Variants in L3MBTL4 observed in about 807,000 individuals in gnomAD.
L3MBTL4 encodes the protein L3MBTL histone methyl-lysine binding protein 4.
In L3MBTL4, 70 loss-of-function variants were observed where a neutral mutation model predicts 84.5. The ratio of observed to expected loss-of-function variants is 0.83; its 90% CI spans 0.68 to 1.01. The LOEUF is 1.01. Ranked by LOEUF, L3MBTL4 falls within the 50% of genes least tolerant of loss-of-function variation. The pLI is 0.00. For missense variants in L3MBTL4, 715 were observed against 754.8 expected, an observed-to-expected ratio of 0.95 and a Z score of 0.62; for synonymous variants, 274 against 259.8, an observed-to-expected ratio of 1.05 and a Z score of -0.52.
At chr18:6,191,894 G>A (rs1316650705) in intron 12 of L3MBTL4, among the ~76,000 whole-genome samples, 1 of 152,052 alleles carries the variant, frequency 6.6e-6, no homozygotes, top group East Asian at 1.9e-4. Context: ...GGAAGCAGAG[G>A]TGGGAAGATC....
intron 5 of L3MBTL4, among the ~76,000 whole-genome samples, chr18:6,249,876 G>A (rs1036395854): frequency 6.6e-6 from 1 of 152,132 alleles, no homozygotes; most frequent in East Asian, 1.9e-4. Context: ...AGATCGACTC[G>A]AGCCCAGAAG....
At chr18:6,129,818 G>C (rs529965340) in intron 14 of L3MBTL4, among the ~76,000 whole-genome samples, 25 of 152,258 alleles carry the variant, frequency 1.6e-4, no homozygotes, top group African/African-American at 6.0e-4. Context: ...TAACGGTAGA[G>C]TTTTGAAAAG....
chr18:6,271,848 G>A (rs544110515), intron 4 of L3MBTL4, among the ~76,000 whole-genome samples: 4 of 152,166 alleles, frequency 2.6e-5, no homozygotes, highest in African/African-American at 7.2e-5. Flanking sequence ...GGCTCTGCTC[G>A]CCCAAGTAAG....
intron 4 of L3MBTL4, among the ~76,000 whole-genome samples, chr18:6,279,426 A>G (rs1360172360): frequency 6.6e-6 from 1 of 152,128 alleles, no homozygotes; most frequent in East Asian, 1.9e-4. Flanking sequence ...ACAAGAAGAA[A>G]CTGCCAAACA....
intron 1 of L3MBTL4, among the ~76,000 whole-genome samples, chr18:6,370,998 G>A (rs1010576003): frequency 2.6e-5 from 4 of 152,162 alleles, no homozygotes; most frequent in East Asian, 3.9e-4. Flanking sequence ...TCGCGCCAAG[G>A]AGGGTTCTGT....
At chr18:6,191,222 G>A (rs568779218) in intron 12 of L3MBTL4, among the ~76,000 whole-genome samples, 5 of 152,224 alleles carry the variant, frequency 3.3e-5, no homozygotes, top group Non-Finnish European at 7.3e-5. Flanking sequence ...GAAGCTAGAA[G>A]AGCAGGTGGG....
chr18:6,157,039 A>C (rs1372155094), intron 13 of L3MBTL4, among the ~76,000 whole-genome samples: 1 of 152,218 alleles, frequency 6.6e-6, no homozygotes, highest in African/African-American at 2.4e-5. Flanking sequence ...TTTAAAACAG[A>C]CAATATCATT....
chr18:6,302,851 C>T (rs944838793), intron 3 of L3MBTL4, among the ~76,000 whole-genome samples: 1 of 151,990 alleles, frequency 6.6e-6, no homozygotes, highest in Non-Finnish European at 1.5e-5. Flanking sequence ...ATAAGCTGGA[C>T]GTGGTGGCAT....
At chr18:6,085,974 T>A (rs1262150066) in intron 15 of L3MBTL4, among the ~76,000 whole-genome samples, 4 of 152,194 alleles carry the variant, frequency 2.6e-5, no homozygotes, top group African/African-American at 4.8e-5. Context: ...AGGTGGACAT[T>A]TTCTTATATT....
chr18:6,146,188 C>G (rs929303765), intron 13 of L3MBTL4, among the ~76,000 whole-genome samples: 2 of 152,182 alleles, frequency 1.3e-5, no homozygotes, highest in Non-Finnish European at 2.9e-5. Flanking sequence ...GAGAGGGGAT[C>G]GGTGAGAACA....
intron 1 of L3MBTL4, among the ~76,000 whole-genome samples, chr18:6,331,225 G>T (rs1255332469): frequency 1.3e-5 from 2 of 152,182 alleles, no homozygotes; most frequent in East Asian, 3.8e-4. Context: ...CATCCAAAAG[G>T]TTGTCCTATC....
At chr18:6,062,160 C>A (rs1251523979) in intron 16 of L3MBTL4, among the ~76,000 whole-genome samples, 1 of 151,962 alleles carries the variant, frequency 6.6e-6, no homozygotes, top group East Asian at 1.9e-4. Flanking sequence ...TCTTGCAAGG[C>A]AGTTCTACTG....
rs569762760 is a variant in L3MBTL4, at chr18:5,967,163, C to A, written c.1614+2230G>T. On this transcript the variant is annotated intron_variant, in intron 17 of 18. Transcript: ENST00000317931. ...TGGGCTGTGCACACTTTCTGCCCTG[C>A]CTCTGCGGCCTTTCAAACCAGGCCC... 2.6e-5 allele frequency among the ~76,000 whole-genome samples: 4 copies of A among 152,332 alleles called. No homozygotes were observed. The South Asian group carries it at 8.3e-4, about 32-fold the overall frequency.
At chr18:6,361,885 G>A (rs934266345) in intron 1 of L3MBTL4, among the ~76,000 whole-genome samples, 4 of 152,024 alleles carry the variant, frequency 2.6e-5, no homozygotes, top group South Asian at 2.1e-4. Flanking sequence ...GGAGGCAGAC[G>A]CAGGGTGACC....
chr18:6,203,426 A>G (rs1185001663), intron 12 of L3MBTL4, among the ~76,000 whole-genome samples: 1 of 152,194 alleles, frequency 6.6e-6, no homozygotes, highest in African/African-American at 2.4e-5. Flanking sequence ...ATTGGCTCAT[A>G]AAGTTGACTA....
At chr18:6,318,883 C>A (rs1468939858) in intron 1 of L3MBTL4, among the ~76,000 whole-genome samples, 1 of 152,054 alleles carries the variant, frequency 6.6e-6, no homozygotes, top group African/African-American at 2.4e-5. Context: ...TAACAGGCCA[C>A]AAAACAAGTC....
At chr18:6,068,905 G>C (rs1432749221) in intron 16 of L3MBTL4, among the ~76,000 whole-genome samples, 1 of 152,186 alleles carries the variant, frequency 6.6e-6, no homozygotes, top group African/African-American at 2.4e-5. Flanking sequence ...ATGTTCCCTT[G>C]ATGTGATGCT....
intron 1 of L3MBTL4, among the ~76,000 whole-genome samples, chr18:6,407,520 T>C (rs1223447767): frequency 6.6e-6 from 1 of 152,218 alleles, no homozygotes; most frequent in Non-Finnish European, 1.5e-5. Context: ...CTAAAGGCTA[T>C]AATGATAGAG....
At chr18:6,119,793 G>T (rs1391739750) in intron 14 of L3MBTL4, among the ~76,000 whole-genome samples, 1 of 151,992 alleles carries the variant, frequency 6.6e-6, no homozygotes, top group Non-Finnish European at 1.5e-5. Flanking sequence ...TTGTCTCATA[G>T]AAAGAAAAAA....
Sources: gnomAD v4.1 joint callset for allele counts (sites outside exome capture counted in the v4.1 genomes callset) on GRCh38, gnomAD v4.1.1 for gene constraint, MANE v1.5 for transcripts, NCBI Gene and HGNC (gene_info 2026-07-23, HGNC 2026-07-21) for gene names.